ABITRAM: variants seen among roughly 807,000 people sequenced by gnomAD.
ABITRAM encodes the protein protein Abitram.
ABITRAM carries 19 observed loss-of-function variants against 22.9 expected under a neutral mutation model. The observed-to-expected ratio is 0.83, with a 90% CI of 0.58 to 1.22. The LOEUF is 1.22. ABITRAM is among the 50% of genes most tolerant of loss of function. ABITRAM has a pLI of 0.00. For synonymous variants in ABITRAM, 70 were observed against 73.9 expected, an observed-to-expected ratio of 0.95 and a Z score of 0.27; for missense variants, 215 against 220.2, an observed-to-expected ratio of 0.98 and a Z score of 0.15.
At chr9:108,939,483 A>G in intron 5 of ABITRAM, 29 bp downstream of exon 5, 1 of 1,606,250 alleles carries the variant, frequency 6.2e-7, no homozygotes, top group Admixed American at 1.7e-5. Flanking sequence ...ATATGATCTC[A>G]TCCACATACC....
At chr9:108,942,300 A>G (rs1830267552), downstream of ABITRAM, among the ~76,000 whole-genome samples, 1 of 152,206 alleles carries the variant, frequency 6.6e-6, no homozygotes, top group South Asian at 2.1e-4. Flanking sequence ...AGGGTCATCA[A>G]GGGGATTTTT....
At chr9:108,945,203 G>C (rs1372915196), downstream of ABITRAM, among the ~76,000 whole-genome samples, 1 of 152,090 alleles carries the variant, frequency 6.6e-6, no homozygotes, top group Non-Finnish European at 1.5e-5. Flanking sequence ...ATGGGAGATT[G>C]GTTCCCAGAC....
At chr9:108,936,068 TAC>T in intron 2 of ABITRAM, 1 of 528,750 alleles carries the variant, frequency 1.9e-6, no homozygotes. Flanking sequence ...ACCCCAGTGC[TAC>T]CTACCTAAAG....
At chr9:108,947,618 A>C (rs964328740) in intron 3 of ABITRAM, among the ~76,000 whole-genome samples, 1 of 152,208 alleles carries the variant, frequency 6.6e-6, no homozygotes, top group African/African-American at 2.4e-5. Flanking sequence ...TAGAGGGAGT[A>C]GAATTACAGA....
chr9:108,950,218 T>C (rs1830520056), intron 3 of ABITRAM, among the ~76,000 whole-genome samples: 1 of 152,228 alleles, frequency 6.6e-6, no homozygotes, highest in Non-Finnish European at 1.5e-5. Flanking sequence ...TTTTTGTTAT[T>C]TCAGTTAGTC....
exon 4 of ABITRAM, chr9:108,950,670 A>T: frequency 6.7e-7 from 1 of 1,501,866 alleles, no homozygotes; most frequent in Non-Finnish European, 8.9e-7. Context: ...ATCCCATCCC[A>T]TAAAAGGAGG....
chr9:108,934,708 AG>A, intron 1 of ABITRAM, 143 bp downstream of exon 1: 1 of 793,836 alleles, frequency 1.3e-6, no homozygotes, highest in South Asian at 1.7e-5. Context: ...TGTTCCGTCT[AG>A]CCCCAGGGAA....
intron 1 of ABITRAM, 61 bp downstream of exon 1, chr9:108,934,626 T>C (rs1229111191): frequency 1.4e-6 from 2 of 1,473,004 alleles, no homozygotes; most frequent in South Asian, 1.2e-5. Flanking sequence ...GTGTAGACTA[T>C]GTTGACAGAT....
intron 1 of ABITRAM, among the ~76,000 whole-genome samples, chr9:108,934,994 G>A (rs2132062524): frequency 6.6e-6 from 1 of 152,262 alleles, no homozygotes; most frequent in South Asian, 2.1e-4. Context: ...GGGTGGGTTA[G>A]ATTAGAGACA....
chr9:108,935,216 T>C (rs966584590), intron 1 of ABITRAM, among the ~76,000 whole-genome samples: 1 of 152,164 alleles, frequency 6.6e-6, no homozygotes, highest in Non-Finnish European at 1.5e-5. Flanking sequence ...AAACATAGGG[T>C]GACCAACCTG....
chr9:108,941,131 T>G (rs1028231689), downstream of ABITRAM, among the ~76,000 whole-genome samples: 3 of 152,196 alleles, frequency 2.0e-5, no homozygotes, highest in Non-Finnish European at 4.4e-5. Flanking sequence ...TTTTAAGTTT[T>G]AATTATTTAC....
chr9:108,942,701 G>A (rs764796847), downstream of ABITRAM: 1 of 1,014,828 alleles, frequency 9.9e-7, no homozygotes, highest in Non-Finnish European at 1.5e-6. Flanking sequence ...AAAGATAAAG[G>A]ATCATTTGAT....
At chr9:108,946,085 G>A (rs891661872) in intron 3 of ABITRAM, among the ~76,000 whole-genome samples, 1 of 152,048 alleles carries the variant, frequency 6.6e-6, no homozygotes, top group Non-Finnish European at 1.5e-5. Context: ...CGAATCACAA[G>A]GTCAAGAGAT....
rs757654729 is a variant in ABITRAM at position 108,939,660 on chromosome 9, A to G, written c.520A>G (p.Ile174Val). 1 of 1,614,100 alleles carries G rather than the reference A, an allele frequency of 6.2e-7. No individual in the cohort carries two copies. The change falls in exon 6 of 6, where the codon ATT (isoleucine) becomes GTT (valine). Residue 174 changes from isoleucine to valine, a missense_variant. Transcript: ENST00000322940. ...KQYEEVMVKR[I>V]NATTATS is the part of the protein sequence containing the mutation. ...ATATGAAGAAGTCATGGTGAAACGC[A>G]TTAATGCCACAACAGCTACGTCATG...
downstream of ABITRAM, among the ~76,000 whole-genome samples, chr9:108,945,379 A>G (rs955717367): frequency 6.6e-6 from 1 of 150,974 alleles, no homozygotes; most frequent in Admixed American, 6.6e-5. Flanking sequence ...GTTATACTGT[A>G]TTGTTTTCCC....
downstream of ABITRAM, among the ~76,000 whole-genome samples, chr9:108,941,407 A>T (rs1353046968): frequency 6.6e-6 from 1 of 152,214 alleles, no homozygotes; most frequent in African/African-American, 2.4e-5. Context: ...ATAACATTTT[A>T]CATGTAACAT....
At chr9:108,936,582 C>G (rs1830190343) in intron 3 of ABITRAM, 145 bp downstream of exon 3, 2 of 874,330 alleles carry the variant, frequency 2.3e-6, no homozygotes, top group East Asian at 2.5e-5. Context: ...ATACTTTCAC[C>G]TAAAGAAATT....
intron 2 of ABITRAM, 44 bp from the exon 3 acceptor site, chr9:108,936,264 A>G (rs1406557016): frequency 2.5e-6 from 4 of 1,593,298 alleles, no homozygotes; most frequent in Non-Finnish European, 3.4e-6. Flanking sequence ...GGGAGGAAAA[A>G]TTATTCCAAG....
At chr9:108,945,624 G>A (rs563954464), downstream of ABITRAM, among the ~76,000 whole-genome samples, 28 of 89,234 alleles carry the variant, frequency 3.1e-4, 2 homozygotes, top group South Asian at 7.3e-3. Context: ...ACCATGCCCC[G>A]CTAGTTTTTT....
Sources: allele counts gnomAD v4.1 joint callset (sites outside exome capture counted in the v4.1 genomes callset), GRCh38; gene constraint gnomAD v4.1.1; transcripts MANE v1.5; gene names NCBI Gene and HGNC (gene_info 2026-07-23, HGNC 2026-07-21).